Variants in ADAMTS17 observed in about 807,000 individuals in gnomAD.
The protein encoded by ADAMTS17 is A disintegrin and metalloproteinase with thrombospondin motifs 17.
A neutral mutation model predicts 141.5 loss-of-function variants in ADAMTS17; 113 were observed. The observed-to-expected ratio is 0.80, with a 90% confidence interval of 0.69 to 0.93. The LOEUF is 0.93. Ranked by LOEUF, ADAMTS17 falls within the 40% of genes least tolerant of loss-of-function variation. ADAMTS17 has a pLI of 0.00. For missense variants in ADAMTS17, 1,659 were observed against 1,517.9 expected (o/e 1.09, Z -1.54); for synonymous variants, 768 against 630.6 (o/e 1.22, Z -3.27).
intron 8 of ADAMTS17, among the ~76,000 whole-genome samples, chr15:100,164,426 A>T (rs2039864821): frequency 6.6e-6 from 1 of 152,038 alleles, no homozygotes; most frequent in Non-Finnish European, 1.5e-5. Flanking sequence ...TATTTGTTGA[A>T]CGCCTTCTGC....
chr15:100,325,929 C>G (rs2045885934), intron 3 of ADAMTS17, among the ~76,000 whole-genome samples: 1 of 152,156 alleles, frequency 6.6e-6, no homozygotes, highest in South Asian at 2.1e-4. Context: ...AGGAACCAAC[C>G]CTGTCAACGC....
At position 99,974,411 on chromosome 15, in the gene ADAMTS17, C is replaced by T. The variant is rs1038775149; in HGVS notation, c.3279G>A (p.Pro1093=). The change falls in exon 22 of 22, where the codon CCG becomes CCA. Residue 1093 remains proline (P), a synonymous_variant. Coordinates refer to ENST00000268070, the MANE Select transcript of ADAMTS17 (RefSeq NM_139057.4). ...CCCTTGGGACTGCGTGTCACGAGTT[C>T]GGCGGTGGCTGGCGCATCTTGTTTG... ...FYANKMRQPP[P]NS is the part of the protein sequence containing the mutation. The T allele has an allele frequency of 1.7e-5, 27 of 1,614,020 alleles. No homozygotes were observed. The highest frequency in any genetic ancestry group is 3.3e-5 in the South Asian group (3 of 91,082).
At chr15:100,249,407 G>C (rs139180808) in intron 7 of ADAMTS17, among the ~76,000 whole-genome samples, 1 of 152,298 alleles carries the variant, frequency 6.6e-6, no homozygotes, top group African/African-American at 2.4e-5. Flanking sequence ...TGCATTCTTC[G>C]TGGGAGGTGC....
intron 8 of ADAMTS17, among the ~76,000 whole-genome samples, chr15:100,188,360 A>G (rs2040796786): frequency 6.6e-6 from 1 of 151,674 alleles, no homozygotes; most frequent in Non-Finnish European, 1.5e-5. Context: ...TTTAGGCATG[A>G]GCTACCACGC....
intron 8 of ADAMTS17, among the ~76,000 whole-genome samples, chr15:100,156,135 GAC>G (rs748552257): frequency 1.3e-5 from 2 of 152,214 alleles, no homozygotes. Context: ...CCAGGTAACG[GAC>G]CACAAGGAAA....
chr15:100,240,970 T>C (rs573340186), intron 7 of ADAMTS17, among the ~76,000 whole-genome samples: 1 of 152,190 alleles, frequency 6.6e-6, no homozygotes, highest in African/African-American at 2.4e-5. Context: ...GGATTACAGG[T>C]GCCCGCCACC....
rs565863027 is a variant in ADAMTS17 at position 100,122,103 on chromosome 15, G to C, written c.1722-5090C>G. ...CAGCTACTGTCTGTCCTTCACAGTA[G>C]CTGTGTGTGAGTCACTGTCATCAAG... On this transcript the variant is annotated intron_variant, in intron 12 of 21. Transcript: ENST00000268070. 9.2e-5 allele frequency among the ~76,000 whole-genome samples: 14 copies of C among 152,304 alleles called. No homozygotes were observed. The South Asian group carries it at 2.9e-3, about 32-fold the overall frequency.
At chr15:100,010,498 C>G (rs2061142120) in intron 18 of ADAMTS17, among the ~76,000 whole-genome samples, 1 of 152,204 alleles carries the variant, frequency 6.6e-6, no homozygotes, top group Admixed American at 6.5e-5. Context: ...ACACTGTTCT[C>G]CACGTGTGCT....
intron 18 of ADAMTS17, among the ~76,000 whole-genome samples, chr15:100,018,538 A>G (rs773522506): frequency 9.2e-5 from 14 of 152,128 alleles, no homozygotes; most frequent in Non-Finnish European, 1.8e-4. Context: ...ACCACCTCCC[A>G]CTTCTCTCTC....
chr15:100,093,894 G>T (rs1369402106), intron 15 of ADAMTS17, among the ~76,000 whole-genome samples: 1 of 151,984 alleles, frequency 6.6e-6, no homozygotes, highest in Admixed American at 6.6e-5. Flanking sequence ...TTGGGCTTGG[G>T]GGTAACCATT....
At chr15:99,996,730 G>A (rs2060809752) in intron 19 of ADAMTS17, among the ~76,000 whole-genome samples, 1 of 152,028 alleles carries the variant, frequency 6.6e-6, no homozygotes, top group Non-Finnish European at 1.5e-5. Context: ...TCTAGACTAC[G>A]CTGGTGGAAG....
chr15:100,144,550 G>GA lies in ADAMTS17; in HGVS notation c.1473+8061dup, dbSNP rs966937290. 1.0e-3 allele frequency among the ~76,000 whole-genome samples: 146 copies of GA among 144,680 alleles called. 1 individual carries two copies. In the East Asian group the frequency reaches 0.011, roughly 11 times the overall value. 94.9% of individuals were successfully genotyped at this position (144,680 alleles called of 152,430 possible). A position where few individuals can be genotyped will look rare whatever the true frequency, so the allele number is the denominator to read the frequency against. ...GGGTGACAGAGCAAGACTCCATCTC[G>GA]AAAAAAAAAAAATCTGTGATTCCTA... On this transcript the variant is annotated intron_variant, in intron 10 of 21. Transcript: ENST00000268070.
intron 18 of ADAMTS17, among the ~76,000 whole-genome samples, chr15:100,020,091 T>C (rs1022564364): frequency 6.6e-6 from 1 of 152,104 alleles, no homozygotes; most frequent in East Asian, 1.9e-4. Context: ...ACCAAAGTCC[T>C]GAACCAAGTA....
At chr15:100,313,544 G>T (rs549045633) in intron 3 of ADAMTS17, among the ~76,000 whole-genome samples, 1 of 152,310 alleles carries the variant, frequency 6.6e-6, no homozygotes, top group Admixed American at 6.5e-5. Flanking sequence ...AATAAATGTA[G>T]AATGAATATT....
intron 8 of ADAMTS17, among the ~76,000 whole-genome samples, chr15:100,155,581 T>C (rs536344613): frequency 1.1e-4 from 17 of 152,352 alleles, no homozygotes; most frequent in South Asian, 4.1e-4. Flanking sequence ...CAACAAAGTA[T>C]ATTAACTCTG....
chr15:100,076,495 A>G (rs1311203182), intron 15 of ADAMTS17, among the ~76,000 whole-genome samples: 4 of 152,044 alleles, frequency 2.6e-5, no homozygotes, highest in Admixed American at 6.5e-5. Flanking sequence ...TCTTTTTCCT[A>G]TTGCTGGATA....
intron 17 of ADAMTS17, 94 bp from the exon 18 acceptor site, chr15:100,049,086 C>T (rs1342808478): frequency 6.3e-7 from 1 of 1,579,596 alleles, no homozygotes; most frequent in African/African-American, 1.3e-5. Flanking sequence ...TTGGGTGCTG[C>T]TGATGGTCAC....
chr15:100,334,916 C>A (rs1184344515), intron 2 of ADAMTS17, among the ~76,000 whole-genome samples: 1 of 152,172 alleles, frequency 6.6e-6, no homozygotes, highest in East Asian at 1.9e-4. Flanking sequence ...CTTTCTGAGG[C>A]TTGCCATGGT....
Position 100,341,169 on chromosome 15 carries a change from A to C in ADAMTS17, c.320T>G (p.Phe107Cys). 6.8e-7 allele frequency: 1 copy of C among 1,462,056 alleles called. No individual in the cohort carries two copies. The highest frequency in any genetic ancestry group is 9.0e-7 in the Non-Finnish European group (1 of 1,111,674). 90.6% of individuals were successfully genotyped at this position (1,462,056 alleles called of 1,614,324 possible). Residue 107 changes from phenylalanine (F) to cysteine (C), a missense_variant, in exon 2 of 22, where the codon TTC (phenylalanine) becomes TGC (cysteine). Transcript: ENST00000268070. ...RRDLRFLSRGFEVEEAGAARR... is the reference protein window; with the variant it reads ...RRDLRFLSRGCEVEEAGAARR... ...GGCCGCGCCCGCCTCCTCCACCTCGAAGCCTCGGGACAGGAAGCGCAGGTC... is the reference window on the plus strand; with the variant it reads ...GGCCGCGCCCGCCTCCTCCACCTCGCAGCCTCGGGACAGGAAGCGCAGGTC...
Sources: allele counts gnomAD v4.1 joint callset (sites outside exome capture counted in the v4.1 genomes callset), GRCh38; gene constraint gnomAD v4.1.1; transcripts MANE v1.5; gene names NCBI Gene and HGNC (gene_info 2026-07-23, HGNC 2026-07-21).